Variants in BOP1 observed in about 807,000 individuals in gnomAD.
The protein encoded by BOP1 is BOP1 ribosomal biogenesis factor, also known as ribosome biogenesis protein BOP1.
Under a neutral mutation model 82.9 loss-of-function variants are expected in BOP1, and 54 were observed. The ratio of observed to expected loss-of-function variants is 0.65; its 90% CI spans 0.52 to 0.82. The LOEUF (loss-of-function observed/expected upper bound fraction) is 0.82, where lower values mean the gene tolerates loss of function less well. Ranked by LOEUF, BOP1 falls within the 40% of genes least tolerant of loss-of-function variation. The probability of loss-of-function intolerance (pLI) is 0.00; values close to 1 mark genes in which losing one functional copy is unlikely to be tolerated. For missense variants in BOP1, 1,170 were observed against 1,072.0 expected (o/e 1.09, Z -1.28); for synonymous variants, 566 against 451.1 (o/e 1.25, Z -3.23).
chr8:144,266,872 C>T (rs1359885238), intron 3 of BOP1: 14 of 1,479,242 alleles, frequency 9.5e-6, no homozygotes, highest in Non-Finnish European at 1.1e-5. Flanking sequence ...CGAGCGAGAC[C>T]GCACCAACAG....
intron 3 of BOP1, among the ~76,000 whole-genome samples, chr8:144,267,636 G>A (rs1000166670): frequency 0.026 from 3,961 of 152,302 alleles, 159 homozygotes; most frequent in African/African-American, 0.089. Flanking sequence ...CCTGCTGTCC[G>A]TCCCCCACCT....
chr8:144,262,646 C>CACA lies in BOP1; in HGVS notation c.1920_1921insTGT (p.Tyr640_Asp641insCys). The CACA allele has an allele frequency of 6.2e-7, 1 of 1,613,374 alleles. No individual in the cohort carries two copies. Among genetic ancestry groups the CACA allele is most frequent in the Non-Finnish European group, 8.5e-7 (1 of 1,179,814 alleles). On this transcript the variant is annotated inframe_insertion, in exon 14 of 16. Coordinates refer to ENST00000569669, the MANE Select transcript of BOP1 (RefSeq NM_015201.5). ...AGGTCAAACCACACCAGCTTGCTAT[C>CACA]GTAGCTCCCACAGATGACGTTGTCA...
chr8:144,280,852 GA>G (rs112319028), intron 2 of BOP1, among the ~76,000 whole-genome samples: 84 of 143,014 alleles, frequency 5.9e-4, no homozygotes, highest in East Asian at 8.0e-4. Flanking sequence ...TCTTGTCTCA[GA>G]AAAAAAAAAA....
intron 3 of BOP1, among the ~76,000 whole-genome samples, chr8:144,267,543 AG>A (rs1443726782): frequency 1.3e-5 from 2 of 152,260 alleles, no homozygotes; most frequent in African/African-American, 4.8e-5. Flanking sequence ...GAGTTCAGAA[AG>A]TAAGAGGCTG....
chr8:144,263,757 T>G lies in BOP1; in HGVS notation c.1226A>C (p.Tyr409Ser). The change falls in exon 10 of 16, where the codon TAC (tyrosine) becomes TCC (serine). Residue 409 changes from tyrosine to serine, a missense_variant. Coordinates refer to ENST00000569669, the MANE Select transcript of BOP1 (RefSeq NM_015201.5). Reference protein sequence around the residue: ...QPFPTCQALVYRGHSDLVRCL... With the variant: ...QPFPTCQALVSRGHSDLVRCL... ...CCGGACAAGGTCACTGTGGCCCCTG[T>G]AGACCTGAGGAGGCGGCGGCAGTGA... is the stretch of plus-strand genomic sequence containing the variant. The G allele has an allele frequency of 1.3e-6, 2 of 1,583,368 alleles. No homozygotes were observed. Among genetic ancestry groups the G allele is most frequent in the Non-Finnish European group, 8.6e-7 (1 of 1,167,148 alleles).
In BOP1 at chr8:144,263,970, C is replaced by G; in HGVS notation, c.1140+11G>C. 4 of 1,610,662 alleles carry G rather than the reference C, an allele frequency of 2.5e-6. No individual in the cohort carries two copies. Among genetic ancestry groups the G allele is most frequent in the Non-Finnish European group, 3.4e-6 (4 of 1,179,644 alleles). ...CCTGTGCCACCCCCCTGGTGTGCCA[C>G]CCCCACACACCCTCATCTTGCGCTG... is the stretch of plus-strand genomic sequence containing the variant. On this transcript the variant is annotated intron_variant, in intron 8 of 15. Coordinates refer to ENST00000569669, the MANE Select transcript of BOP1 (RefSeq NM_015201.5).
chr8:144,269,083 C>G (rs1409315584), intron 3 of BOP1, among the ~76,000 whole-genome samples: 7 of 152,164 alleles, frequency 4.6e-5, no homozygotes, highest in Non-Finnish European at 8.8e-5. Flanking sequence ...GGACCCCTGG[C>G]CATCCTCCTC....
At chr8:144,275,836 A>C (rs2130238508) in intron 3 of BOP1, among the ~76,000 whole-genome samples, 1 of 151,302 alleles carries the variant, frequency 6.6e-6, no homozygotes, top group South Asian at 2.1e-4. Flanking sequence ...CAGGGGCACC[A>C]CCCATGCCCG....
At chr8:144,269,955 C>T (rs1320572508) in intron 3 of BOP1, among the ~76,000 whole-genome samples, 2 of 152,202 alleles carry the variant, frequency 1.3e-5, no homozygotes, top group Non-Finnish European at 2.9e-5. Context: ...CTCCACTGGG[C>T]ACTGGGTGTA....
rs367736767 is a variant in BOP1 at position 144,289,325 on chromosome 8, G to A, written c.100-21C>T. On this transcript the variant is annotated intron_variant, in intron 1 of 15. Transcript: ENST00000569669. Reference sequence around the variant, plus strand: ...GGGGGCTGCAAGGAAACACTGGGTTGGTGACAACTGCCCCTCCAGGCATGG... The same window carrying A: ...GGGGGCTGCAAGGAAACACTGGGTTAGTGACAACTGCCCCTCCAGGCATGG... 6.8e-6 allele frequency: 11 copies of A among 1,610,086 alleles called. No individual in the cohort carries two copies. In the East Asian group the frequency reaches 1.6e-4, roughly 23 times the overall value.
In BOP1 at chr8:144,264,604, A is replaced by C; in HGVS notation, c.676T>G (p.Phe226Val). 1 of 1,601,832 alleles carries C rather than the reference A, an allele frequency of 6.2e-7. No homozygotes were observed. Among genetic ancestry groups the C allele is most frequent in the Non-Finnish European group, 8.5e-7 (1 of 1,174,374 alleles). Residue 226 changes from phenylalanine (F) to valine (V), a missense_variant, in exon 6 of 16, where the codon TTC becomes GTC. By Grantham distance (50) the Phe-to-Val change is conservative. Coordinates refer to ENST00000569669, the MANE Select transcript of BOP1 (RefSeq NM_015201.5). The part of the protein sequence containing the change: ...GFNPYEPAVD[F>V]FSGDVMIHPV... ...TGGATCATGACGTCCCCGCTGAAGA[A>C]GTCGACAGCCGGCTGGGGGAGAAGA...
chr8:144,262,629 C>A lies in BOP1; in HGVS notation c.1938G>T (p.Trp646Cys). The change falls in exon 14 of 16, where the codon TGG (tryptophan) becomes TGT (cysteine). Residue 646 changes from tryptophan (W) to cysteine (C), a missense_variant. Coordinates refer to ENST00000569669, the MANE Select transcript of BOP1 (RefSeq NM_015201.5). Reference sequence around the variant, plus strand: ...GCTTGGTGGAAAGATCCAGGTCAAACCACACCAGCTTGCTATCGTAGCTCC... The same window carrying A: ...GCTTGGTGGAAAGATCCAGGTCAAAACACACCAGCTTGCTATCGTAGCTCC... ...ICGSYDSKLVWFDLDLSTKPY... is the reference protein window; with the variant it reads ...ICGSYDSKLVCFDLDLSTKPY... The A allele has an allele frequency of 6.2e-7, 1 of 1,613,502 alleles. No homozygotes were observed. The highest frequency in any genetic ancestry group is 8.5e-7 in the Non-Finnish European group (1 of 1,179,816).
In BOP1 at chr8:144,264,420, G is replaced by C; in HGVS notation, c.783C>G (p.His261Gln). The C allele has an allele frequency of 6.2e-7, 1 of 1,602,940 alleles. No homozygotes were observed. Residue 261 changes from histidine (H) to glutamine (Q), a missense_variant, in exon 7 of 16, where the codon CAC becomes CAG. Coordinates refer to ENST00000569669, the MANE Select transcript of BOP1 (RefSeq NM_015201.5). ...VEKEKVSRMV[H>Q]AIKMGWIQPR... ...GCTGGATCCAGCCCATCTTGATGGC[G>C]TGCACCATGCGAGAGACCTGCATAG... is the stretch of plus-strand genomic sequence containing the variant.
Position 144,262,332 on chromosome 8 carries a change from A to G in BOP1, c.2088-15T>C. On this transcript the variant is annotated splice_polypyrimidine_tract_variant and intron_variant, in intron 15 of 15. Transcript: ENST00000569669. ...GCAGAAGGTCACTGTGGGGACGAGG[A>G]GGGCTCAGGGCACGGCCAGACACCA... The G allele has an allele frequency of 6.2e-7, 1 of 1,612,688 alleles. No homozygotes were observed. The highest frequency in any genetic ancestry group is 8.5e-7 in the Non-Finnish European group (1 of 1,179,786).
rs916181974 is a variant in BOP1, at chr8:144,264,332, C to G, written c.871G>C (p.Ala291Pro). ...YDLWAQEDPNAVLGRHKMHVP... is the reference protein window; with the variant it reads ...YDLWAQEDPNPVLGRHKMHVP... Reference sequence around the variant, plus strand: ...TGCATCTTGTGGCGCCCGAGCACGGCGTTGGGGTCCTCCTGGGCCCACAGG... The same window carrying G: ...TGCATCTTGTGGCGCCCGAGCACGGGGTTGGGGTCCTCCTGGGCCCACAGG... Residue 291 changes from alanine (A) to proline (P), a missense_variant, in exon 7 of 16, where the codon GCC (alanine) becomes CCC (proline). Coordinates refer to ENST00000569669, the MANE Select transcript of BOP1 (RefSeq NM_015201.5). 9.9e-6 allele frequency: 16 copies of G among 1,609,182 alleles called. No homozygotes were observed. The highest frequency in any genetic ancestry group is 1.3e-5 in the Non-Finnish European group (15 of 1,179,642).
At chr8:144,288,019 A>G (rs1335061814) in intron 2 of BOP1, among the ~76,000 whole-genome samples, 3 of 152,006 alleles carry the variant, frequency 2.0e-5, no homozygotes, top group East Asian at 1.9e-4. Flanking sequence ...TAATCCCAGC[A>G]CTTTGGGAGG....
At position 144,263,004 on chromosome 8, in the gene BOP1, C is replaced by T. The variant is rs941144237; in HGVS notation, c.1743G>A (p.Gln581=). The stretch of plus-strand genomic sequence containing the variant: ...CAGGGTGGAAGGCCACTCGCTGCAC[C>T]TGTCCGTGGCTGCGGCGGAACGGAC... The part of the protein sequence containing the change: ...SQSPFRRSHG[Q]VQRVAFHPAR... The change falls in exon 13 of 16, where the codon CAG becomes CAA. Residue 581 remains glutamine, a synonymous_variant. Transcript: ENST00000569669. 9.0e-6 allele frequency: 14 copies of T among 1,558,196 alleles called. No individual in the cohort carries two copies. In the South Asian group the frequency reaches 1.6e-4, roughly 18 times the overall value.
chr8:144,268,547 T>G, intron 3 of BOP1: 3 of 267,286 alleles, frequency 1.1e-5, no homozygotes, highest in Non-Finnish European at 1.4e-5. Context: ...TGAGCCTCCA[T>G]TCCCACCCTT....
chr8:144,268,236 G>A, intron 3 of BOP1: 5 of 1,520,838 alleles, frequency 3.3e-6, no homozygotes, highest in Non-Finnish European at 4.4e-6. Context: ...CCTGAGCTGG[G>A]CAAGGCCCAC....
Sources: gnomAD v4.1 joint callset for allele counts (sites outside exome capture counted in the v4.1 genomes callset) on GRCh38, gnomAD v4.1.1 for gene constraint, MANE v1.5 for transcripts, NCBI Gene and HGNC (gene_info 2026-07-23, HGNC 2026-07-21) for gene names.